The following STRN variants were observed in gnomAD, a reference collection of about 807,000 sequenced individuals.
The protein encoded by STRN is striatin.
STRN carries 53 observed loss-of-function variants against 96.3 expected under a neutral mutation model. The observed-to-expected ratio is 0.55, with a 90% CI of 0.44 to 0.69. The LOEUF is 0.69. STRN is among the 30% of genes least tolerant of loss of function. STRN has a pLI of 0.00. For missense variants in STRN, 987 were observed against 963.9 expected (o/e 1.02, Z -0.32); for synonymous variants, 428 against 355.9 (o/e 1.20, Z -2.28).
Position 36,842,620 on chromosome 2 carries a change from C to T in STRN, c.*6836G>A, listed in dbSNP as rs1356601482. On this transcript the variant is annotated 3_prime_UTR_variant, in exon 18 of 18. Transcript: ENST00000263918. ...ACCCAAATAATGACTTCCAATCTAA[C>T]TGAAACTACCATTACCTTTAGTGAA... 1 of 152,108 alleles carries T rather than the reference C, an allele frequency of 6.6e-6. No homozygotes were observed. The highest frequency in any genetic ancestry group is 1.5e-5 in the Non-Finnish European group (1 of 68,022). The allele number at this position is 152,108 out of a possible 1,614,324, so 9.4% of individuals were successfully genotyped here.
intron 12 of STRN, 23 bp from the exon 13 acceptor site, chr2:36,861,276 T>C (rs192483462): frequency 4.6e-5 from 74 of 1,606,194 alleles, no homozygotes; most frequent in Admixed American, 3.4e-4. Flanking sequence ...AAAAAATAAA[T>C]CAACTGCTAT....
chr2:36,889,530 A>C (rs557598686), intron 7 of STRN, among the ~76,000 whole-genome samples: 1 of 150,298 alleles, frequency 6.7e-6, no homozygotes, highest in Admixed American at 6.7e-5. Flanking sequence ...TCATAAAAAC[A>C]ATAGCAATCA....
chr2:36,881,128 T>G (rs1669059009), intron 9 of STRN, among the ~76,000 whole-genome samples: 1 of 144,298 alleles, frequency 6.9e-6, no homozygotes, highest in Non-Finnish European at 1.5e-5. Flanking sequence ...CTTTTTTTTT[T>G]TTTTTTTTTT....
chr2:36,944,417 G>T (rs996929479), intron 1 of STRN, among the ~76,000 whole-genome samples: 2 of 151,970 alleles, frequency 1.3e-5, no homozygotes, highest in South Asian at 2.1e-4. Flanking sequence ...AAGTTTTTGC[G>T]CACACAAACA....
chr2:36,892,399 A>C (rs905135623), intron 7 of STRN, among the ~76,000 whole-genome samples: 1 of 152,168 alleles, frequency 6.6e-6, no homozygotes, highest in Non-Finnish European at 1.5e-5. Flanking sequence ...AAACCTGCAA[A>C]TGTACTCCCA....
At chr2:36,875,043 G>T (rs1668866444) in intron 10 of STRN, among the ~76,000 whole-genome samples, 1 of 152,142 alleles carries the variant, frequency 6.6e-6, no homozygotes, top group African/African-American at 2.4e-5. Context: ...TCAGAAATGT[G>T]TAACAAGAAT....
At chr2:36,935,230 C>CT (rs1188999593) in intron 1 of STRN, among the ~76,000 whole-genome samples, 1 of 152,160 alleles carries the variant, frequency 6.6e-6, no homozygotes, top group Admixed American at 6.5e-5. Context: ...TTTTCGGATT[C>CT]TACCAATGTC....
At chr2:36,880,390 T>G (rs535967965) in intron 9 of STRN, among the ~76,000 whole-genome samples, 50 of 152,262 alleles carry the variant, frequency 3.3e-4, no homozygotes, top group African/African-American at 1.1e-3. Flanking sequence ...CAGTGAGCTA[T>G]GACTGTACCA....
chr2:36,861,561 G>C (rs1668480366), intron 12 of STRN, among the ~76,000 whole-genome samples: 1 of 152,084 alleles, frequency 6.6e-6, no homozygotes, highest in African/African-American at 2.4e-5. Context: ...ATATGCAACA[G>C]AAATTATATG....
intron 1 of STRN, among the ~76,000 whole-genome samples, chr2:36,941,567 G>C (rs910262540): frequency 7.0e-6 from 1 of 142,984 alleles, no homozygotes; most frequent in Non-Finnish European, 1.5e-5. Context: ...TTTTTTTTTT[G>C]AGATGGAGTC....
At position 36,851,144 on chromosome 2, in the gene STRN, C is replaced by G. The variant is rs772475110; in HGVS notation, c.1979-37G>C. The G allele has an allele frequency of 2.6e-6, 4 of 1,528,318 alleles. No homozygotes were observed. In the African/African-American group the frequency reaches 5.5e-5, roughly 21 times the overall value. The allele number at this position is 1,528,318 out of a possible 1,614,324, so 94.7% of individuals were successfully genotyped here. On this transcript the variant is annotated intron_variant, in intron 15 of 17. Transcript: ENST00000263918. ...AAATTAAAAAGCAACACAACTTAGT[C>G]AAAGATATTTTTCACACAAAGGAGA...
At chr2:36,881,424 C>T (rs995674430) in intron 9 of STRN, among the ~76,000 whole-genome samples, 1 of 152,016 alleles carries the variant, frequency 6.6e-6, no homozygotes, top group Non-Finnish European at 1.5e-5. Context: ...AACTAAACTG[C>T]ACCCGGCCCT....
At chr2:36,896,120 G>A (rs1242370869) in intron 6 of STRN, among the ~76,000 whole-genome samples, 3 of 152,028 alleles carry the variant, frequency 2.0e-5, no homozygotes, top group Non-Finnish European at 4.4e-5. Flanking sequence ...CAGAGTCCTC[G>A]TTCTCACTGC....
intron 1 of STRN, among the ~76,000 whole-genome samples, chr2:36,964,323 GGAAAA>G (rs538729034): frequency 2.1e-3 from 317 of 151,100 alleles, no homozygotes; most frequent in Non-Finnish European, 3.6e-3. Flanking sequence ...TCCCAAAACT[GGAAAA>G]GAAATTAAAT....
At chr2:36,966,110 T>C in intron 1 of STRN, 120 bp downstream of exon 1, 10 of 1,065,452 alleles carry the variant, frequency 9.4e-6, no homozygotes, top group African/African-American at 3.6e-5. Context: ...CCGGGTGGGA[T>C]GGGCGGCAGC....
intron 3 of STRN, among the ~76,000 whole-genome samples, chr2:36,915,424 C>T (rs1030839097): frequency 6.6e-6 from 1 of 151,222 alleles, no homozygotes; most frequent in African/African-American, 2.4e-5. Context: ...TTTTGTCATT[C>T]TTCCCTAATA....
intron 14 of STRN, among the ~76,000 whole-genome samples, chr2:36,855,706 T>TA (rs1306919045): frequency 6.6e-6 from 1 of 152,152 alleles, no homozygotes; most frequent in Non-Finnish European, 1.5e-5. Context: ...TTCTTCATTT[T>TA]AAAAAACCCA....
At chr2:36,888,835 C>T (rs1381828340) in intron 7 of STRN, among the ~76,000 whole-genome samples, 1 of 152,028 alleles carries the variant, frequency 6.6e-6, no homozygotes, top group African/African-American at 2.4e-5. Context: ...TGTGTACCAC[C>T]ATGCCCGGCT....
intron 1 of STRN, among the ~76,000 whole-genome samples, chr2:36,962,723 G>A (rs184093043): frequency 2.3e-3 from 343 of 152,132 alleles, no homozygotes; most frequent in Non-Finnish European, 3.8e-3. Flanking sequence ...TGGCCAGGAC[G>A]GTCTCGATAT....
Sources: gnomAD v4.1 joint callset for allele counts (sites outside exome capture counted in the v4.1 genomes callset) on GRCh38, gnomAD v4.1.1 for gene constraint, MANE v1.5 for transcripts, NCBI Gene and HGNC (gene_info 2026-07-23, HGNC 2026-07-21) for gene names.